The following MAF variants were observed in gnomAD, a reference collection of about 807,000 sequenced individuals.
MAF encodes MAF bZIP transcription factor, also known as transcription factor Maf.
MAF carries 10 observed loss-of-function variants against 22.0 expected under a neutral mutation model. The observed-to-expected ratio is 0.45, with a 90% confidence interval of 0.28 to 0.77. The LOEUF is 0.77. Among genes scored for constraint, MAF ranks in the 30% least tolerant of loss-of-function variants. The pLI, the probability that MAF is intolerant of heterozygous loss-of-function variation, is 0.12. For synonymous variants in MAF, 337 were observed against 255.8 expected (o/e 1.32, Z -3.03); for missense variants, 544 against 548.4 (o/e 0.99, Z 0.08).
the MAF span, among the ~76,000 whole-genome samples, chr16:79,207,847 G>C: frequency 1.3e-5 from 2 of 151,996 alleles, no homozygotes; most frequent in Non-Finnish European, 2.9e-5. Flanking sequence ...TCCTTTAAAG[G>C]AGTCAATATG....
downstream of MAF, among the ~76,000 whole-genome samples, chr16:79,593,594 G>T (rs1434672972): frequency 6.6e-6 from 1 of 152,220 alleles, no homozygotes; most frequent in Admixed American, 6.5e-5. Context: ...AGACTCCCAG[G>T]TAGTTATGGC....
At chr16:79,268,823 C>G in the MAF span, among the ~76,000 whole-genome samples, 1 of 152,154 alleles carries the variant, frequency 6.6e-6, no homozygotes, top group Admixed American at 6.5e-5. Flanking sequence ...GCACACAAGC[C>G]GCATTGTCAG....
the MAF span, among the ~76,000 whole-genome samples, chr16:79,398,275 A>G: frequency 6.6e-6 from 1 of 152,212 alleles, no homozygotes; most frequent in Non-Finnish European, 1.5e-5. Context: ...ATAATCCAGG[A>G]TAATCTCCCC....
At chr16:79,262,403 G>A in the MAF span, among the ~76,000 whole-genome samples, 2 of 152,196 alleles carry the variant, frequency 1.3e-5, no homozygotes, top group East Asian at 1.9e-4. Flanking sequence ...CATGATACTT[G>A]GGACAGAACT....
At chr16:79,547,565 T>A in the MAF span, among the ~76,000 whole-genome samples, 1 of 152,100 alleles carries the variant, frequency 6.6e-6, no homozygotes, top group Non-Finnish European at 1.5e-5. Flanking sequence ...TAAAAGTTAA[T>A]CGTAAAGCAA....
chr16:79,556,194 T>C, the MAF span, among the ~76,000 whole-genome samples: 2 of 152,236 alleles, frequency 1.3e-5, no homozygotes, highest in Non-Finnish European at 1.5e-5. Context: ...AGCATACCAC[T>C]GTCTCTAAGC....
the MAF span, among the ~76,000 whole-genome samples, chr16:79,257,539 G>C: frequency 2.0e-5 from 3 of 152,132 alleles, no homozygotes; most frequent in Non-Finnish European, 4.4e-5. Context: ...GAGGGCAGTG[G>C]GTCATGGTGA....
chr16:79,470,207 C>G, the MAF span, among the ~76,000 whole-genome samples: 1 of 152,212 alleles, frequency 6.6e-6, no homozygotes, highest in East Asian at 1.9e-4. Flanking sequence ...AACTCTGGTT[C>G]TGAGGAAGTG....
At chr16:79,518,544 A>C in the MAF span, among the ~76,000 whole-genome samples, 1 of 152,198 alleles carries the variant, frequency 6.6e-6, no homozygotes, top group Non-Finnish European at 1.5e-5. Context: ...TGATCCTAGC[A>C]CCAACTGTGA....
the MAF span, among the ~76,000 whole-genome samples, chr16:79,234,691 C>T: frequency 3.3e-5 from 5 of 152,040 alleles, no homozygotes; most frequent in Non-Finnish European, 7.4e-5. Flanking sequence ...GTAGTGGTAG[C>T]CCCTGACTTT....
the MAF span, among the ~76,000 whole-genome samples, chr16:79,340,328 G>A: frequency 4.6e-5 from 7 of 151,704 alleles, no homozygotes; most frequent in African/African-American, 1.7e-4. Context: ...TGATGATGAT[G>A]AGCAGCAGTA....
the MAF span, among the ~76,000 whole-genome samples, chr16:79,560,666 A>C: frequency 1.7e-3 from 266 of 152,236 alleles, no homozygotes; most frequent in Admixed American, 3.0e-3. Flanking sequence ...CCTCCTGAGG[A>C]ATTTTTATAT....
the MAF span, among the ~76,000 whole-genome samples, chr16:79,523,250 C>T: frequency 7.2e-5 from 11 of 152,296 alleles, no homozygotes; most frequent in African/African-American, 2.6e-4. Context: ...CAGGAATTCT[C>T]TACCATAGCA....
At chr16:79,216,349 G>GC in the MAF span, among the ~76,000 whole-genome samples, 16 of 152,236 alleles carry the variant, frequency 1.1e-4, no homozygotes, top group African/African-American at 3.6e-4. Context: ...TATATGTATT[G>GC]CATATATATG....
the MAF span, among the ~76,000 whole-genome samples, chr16:79,243,095 C>A: frequency 1.2e-4 from 18 of 151,802 alleles, no homozygotes; most frequent in African/African-American, 3.4e-4. Flanking sequence ...CAAGAGAAAG[C>A]AAGAAAGGAT....
the MAF span, among the ~76,000 whole-genome samples, chr16:79,519,676 C>T: frequency 1.1e-3 from 162 of 152,338 alleles, no homozygotes; most frequent in Middle Eastern, 0.01. Flanking sequence ...ACACTGCTCT[C>T]GTATACCCAA....
At chr16:79,205,451 C>G in the MAF span, 1 of 152,134 alleles carries the variant, frequency 6.6e-6, no homozygotes, top group Non-Finnish European at 1.5e-5. Flanking sequence ...ACACATTGTC[C>G]ACGTCTAATT....
chr16:79,462,827 A>G, the MAF span, among the ~76,000 whole-genome samples: 4 of 152,266 alleles, frequency 2.6e-5, no homozygotes, highest in African/African-American at 4.8e-5. Flanking sequence ...AGTAAACAGG[A>G]CAAGTCAATA....
chr16:79,249,899 A>G, the MAF span, among the ~76,000 whole-genome samples: 1 of 152,314 alleles, frequency 6.6e-6, no homozygotes, highest in East Asian at 1.9e-4. Flanking sequence ...CACTGCACGT[A>G]GCCCAGTGCC....
Sources: gnomAD v4.1 joint callset for allele counts (sites outside exome capture counted in the v4.1 genomes callset) on GRCh38, gnomAD v4.1.1 for gene constraint, MANE v1.5 for transcripts, NCBI Gene and HGNC (gene_info 2026-07-23, HGNC 2026-07-21) for gene names.